JHY: variants seen among roughly 807,000 people sequenced by gnomAD.
The protein encoded by JHY is jhy protein homolog.
Under a neutral mutation model 78.0 loss-of-function variants are expected in JHY, and 69 were observed. The observed-to-expected ratio is 0.88, with a 90% CI of 0.73 to 1.08. The LOEUF (loss-of-function observed/expected upper bound fraction) is 1.08, where lower values mean the gene tolerates loss of function less well. Among genes scored for constraint, JHY ranks in the 50% least tolerant of loss-of-function variants. The pLI, the probability that JHY is intolerant of heterozygous loss-of-function variation, is 0.00. For synonymous variants in JHY, 368 were observed against 342.6 expected, an observed-to-expected ratio of 1.07 and a Z score of -0.82; for missense variants, 944 against 927.8, an observed-to-expected ratio of 1.02 and a Z score of -0.23.
At chr11:122,944,101 G>C (rs866941322) in intron 5 of JHY, among the ~76,000 whole-genome samples, 1 of 152,154 alleles carries the variant, frequency 6.6e-6, no homozygotes, top group African/African-American at 2.4e-5. Context: ...GGAGGCTGAG[G>C]TGGGAGGATC....
In JHY at chr11:122,963,147, CTATT is replaced by C. The variant is rs1276964973; in HGVS notation, c.*3708_*3711del. Among the ~76,000 whole-genome samples, 2 of 151,926 alleles carry C rather than the reference CTATT, an allele frequency of 1.3e-5. No individual in the cohort carries two copies. Among genetic ancestry groups the C allele is most frequent in the Non-Finnish European group, 2.9e-5 (2 of 67,978 alleles). ...TAGAAACTGACCAATAAAAGAGACA[CTATT>C]TATTTTCTTTTTTTTTTCCAGAACA... is the stretch of plus-strand genomic sequence containing the variant. On this transcript the variant is annotated 3_prime_UTR_variant, in exon 9 of 9. Transcript: ENST00000227349.
chr11:122,897,983 T>C (rs1424160038), intron 2 of JHY, among the ~76,000 whole-genome samples: 1 of 152,220 alleles, frequency 6.6e-6, no homozygotes, highest in African/African-American at 2.4e-5. Flanking sequence ...GAATGGACTT[T>C]GTGATATCAT....
chr11:122,930,272 G>C (rs1863609291), intron 4 of JHY, among the ~76,000 whole-genome samples: 1 of 152,000 alleles, frequency 6.6e-6, no homozygotes, highest in African/African-American at 2.4e-5. Flanking sequence ...GTAGAGACAG[G>C]GTTTCACCAT....
rs146463848 is a variant in JHY, at chr11:122,898,794, G to T, written c.345-5131G>T. Among the ~76,000 whole-genome samples the T allele has an allele frequency of 1.5e-3, 231 of 152,228 alleles. No individual in the cohort carries two copies. The highest frequency in any genetic ancestry group is 5.2e-3 in the African/African-American group (215 of 41,548). On this transcript the variant is annotated intron_variant, in intron 2 of 8. Coordinates refer to ENST00000227349, the MANE Select transcript of JHY (RefSeq NM_024806.4). This position sits in a 1 kb window ranked among gnomAD's most constrained non-coding sequence, Gnocchi z 4.4. ...TTAACTCTCTGGTTAATTTTGTTAA[G>T]CCCGAGCTGCTTCAAGTGTTTGCAA...
At chr11:122,906,375 T>G (rs1250698231) in intron 3 of JHY, among the ~76,000 whole-genome samples, 1 of 152,060 alleles carries the variant, frequency 6.6e-6, no homozygotes, top group Non-Finnish European at 1.5e-5. Context: ...TAAATGTCTT[T>G]ATAGAGATGG....
chr11:122,905,604 A>G (rs542597001), intron 3 of JHY: 23 of 994,658 alleles, frequency 2.3e-5, no homozygotes, highest in Non-Finnish European at 2.6e-5. Flanking sequence ...ACGTTGGCTC[A>G]TGCCTGTAAT....
intron 6 of JHY, among the ~76,000 whole-genome samples, chr11:122,955,380 C>T (rs879599813): frequency 6.6e-6 from 1 of 152,168 alleles, no homozygotes; most frequent in Non-Finnish European, 1.5e-5. Context: ...TTCAGCCCCC[C>T]AAAGTGCTGG....
chr11:122,906,562 C>G (rs1458503227), intron 3 of JHY, among the ~76,000 whole-genome samples: 1 of 152,114 alleles, frequency 6.6e-6, no homozygotes, highest in East Asian at 1.9e-4. Flanking sequence ...AAAAAGTGTT[C>G]TCAAAAGAAG....
chr11:122,886,979 A>T (rs149484923), intron 2 of JHY, among the ~76,000 whole-genome samples: 3 of 152,344 alleles, frequency 2.0e-5, no homozygotes, highest in African/African-American at 7.2e-5. Flanking sequence ...GCTACCAAAA[A>T]AAAGTAAGGG....
chr11:122,912,873 A>G (rs145624388), intron 3 of JHY, among the ~76,000 whole-genome samples: 154 of 152,260 alleles, frequency 1.0e-3, no homozygotes, highest in Middle Eastern at 6.8e-3. Context: ...TCGGAGGGCT[A>G]TTTGAAGAAT....
chr11:122,892,614 G>A (rs773612117), intron 2 of JHY, among the ~76,000 whole-genome samples: 2 of 152,098 alleles, frequency 1.3e-5, no homozygotes, highest in Non-Finnish European at 2.9e-5. Flanking sequence ...GAGCCACCGC[G>A]CCTGGCCAAT....
chr11:122,914,762 C>T (rs1591379604), intron 3 of JHY, among the ~76,000 whole-genome samples: 1 of 152,140 alleles, frequency 6.6e-6, no homozygotes, highest in East Asian at 1.9e-4. Flanking sequence ...TTTTGAGTCC[C>T]ACCTATCCTA....
chr11:122,896,068 T>A (rs1046762351), intron 2 of JHY, among the ~76,000 whole-genome samples: 6 of 152,186 alleles, frequency 3.9e-5, no homozygotes, highest in African/African-American at 1.4e-4. Context: ...GAGCCACATC[T>A]TCAGGCTCTA....
At chr11:122,940,364 A>C (rs950886708) in intron 5 of JHY, among the ~76,000 whole-genome samples, 2 of 152,064 alleles carry the variant, frequency 1.3e-5, no homozygotes, top group African/African-American at 4.8e-5. Flanking sequence ...ATCTAGAACA[A>C]ATTATCCAAT....
At chr11:122,943,375 C>T (rs1022989301) in intron 5 of JHY, among the ~76,000 whole-genome samples, 4 of 152,138 alleles carry the variant, frequency 2.6e-5, no homozygotes, top group African/African-American at 4.8e-5. Flanking sequence ...TTTGGCCTAA[C>T]GTTTTGGTCA....
At chr11:122,907,211 G>C (rs960750269) in intron 3 of JHY, among the ~76,000 whole-genome samples, 2 of 151,546 alleles carry the variant, frequency 1.3e-5, no homozygotes, top group Non-Finnish European at 2.9e-5. Context: ...AATGATATGT[G>C]TAACTTAGTG....
At chr11:122,899,665 G>A (rs1862807043) in intron 2 of JHY, among the ~76,000 whole-genome samples, 1 of 152,204 alleles carries the variant, frequency 6.6e-6, no homozygotes, top group African/African-American at 2.4e-5. Context: ...CCCGCTGCCT[G>A]GGAATTTGTC....
chr11:122,887,882 T>A (rs1022500748), intron 2 of JHY, among the ~76,000 whole-genome samples: 4 of 152,174 alleles, frequency 2.6e-5, no homozygotes, highest in Non-Finnish European at 4.4e-5. Flanking sequence ...TTTTCAGGTC[T>A]TGAAGTGTAA....
At chr11:122,925,213 C>G (rs1045758146) in intron 4 of JHY, among the ~76,000 whole-genome samples, 1 of 152,202 alleles carries the variant, frequency 6.6e-6, no homozygotes, top group Non-Finnish European at 1.5e-5. Flanking sequence ...TCCAAGGGTT[C>G]TGTTTGCTGG....
Sources: allele counts gnomAD v4.1 joint callset (sites outside exome capture counted in the v4.1 genomes callset), GRCh38; gene constraint gnomAD v4.1.1; non-coding constraint Gnocchi (gnomAD v3.1); transcripts MANE v1.5; gene names NCBI Gene and HGNC (gene_info 2026-07-23, HGNC 2026-07-21).